Variants in POC1B observed in about 807,000 individuals in gnomAD.
POC1B encodes the protein POC1 centriolar protein homolog B.
A neutral mutation model predicts 60.6 loss-of-function variants in POC1B; 44 were observed. That is an observed-to-expected ratio of 0.73 (90% CI 0.57 to 0.93). The LOEUF (loss-of-function observed/expected upper bound fraction) is 0.93. Ranked by LOEUF, POC1B falls within the 40% of genes least tolerant of loss-of-function variation. The pLI is 0.00. For missense variants in POC1B, 555 were observed against 572.3 expected (o/e 0.97, Z 0.31); for synonymous variants, 180 against 198.9 (o/e 0.90, Z 0.80).
intron 2 of POC1B, among the ~76,000 whole-genome samples, chr12:89,518,423 GGCATGCAAAGAGGTCTA>G (rs1870575733): frequency 6.6e-6 from 1 of 152,102 alleles, no homozygotes; most frequent in African/African-American, 2.4e-5. Context: ...CATGCACAGA[GGCATGCAAAGAGGTCTA>G]GCATGCAAAG....
chr12:89,519,735 G>A (rs1202694728), intron 2 of POC1B: 1 of 152,358 alleles, frequency 6.6e-6, no homozygotes, highest in East Asian at 1.9e-4. Context: ...ACTTACTAAT[G>A]GGTAAGTAAA....
At chr12:89,442,748 T>A (rs900916642) in intron 10 of POC1B, among the ~76,000 whole-genome samples, 1 of 152,126 alleles carries the variant, frequency 6.6e-6, no homozygotes, top group African/African-American at 2.4e-5. Flanking sequence ...AATTCATACA[T>A]AACAATATTA....
intron 11 of POC1B, among the ~76,000 whole-genome samples, chr12:89,422,814 G>T (rs1880597708): frequency 6.6e-6 from 1 of 152,070 alleles, no homozygotes; most frequent in East Asian, 1.9e-4. Flanking sequence ...TGGTATTTTA[G>T]TCAACCAGTT....
intron 2 of POC1B, among the ~76,000 whole-genome samples, chr12:89,512,167 C>T (rs1431697877): frequency 6.6e-6 from 1 of 152,202 alleles, no homozygotes; most frequent in Non-Finnish European, 1.5e-5. Flanking sequence ...GTAGTTTGTA[C>T]TATGCAAGCA....
the POC1B span, among the ~76,000 whole-genome samples, chr12:89,410,985 C>T: frequency 6.6e-6 from 1 of 152,256 alleles, no homozygotes; most frequent in South Asian, 2.1e-4. Context: ...AATAGACACA[C>T]AGAGAGCCAA....
chr12:89,509,214 T>G (rs181949868), intron 2 of POC1B, among the ~76,000 whole-genome samples: 84 of 152,346 alleles, frequency 5.5e-4, no homozygotes, highest in Non-Finnish European at 9.7e-4. Context: ...TTTTTATCAG[T>G]GTGAATGCAT....
rs140418644 is a variant in POC1B at position 89,468,620 on chromosome 12, C to T, written c.811-935G>A. Among the ~76,000 whole-genome samples the T allele has an allele frequency of 2.9e-3, 447 of 151,836 alleles. 3 individuals are homozygous for T. The highest frequency in any genetic ancestry group is 0.011 in the African/African-American group (439 of 41,414). On this transcript the variant is annotated intron_variant, in intron 7 of 11. Transcript: ENST00000313546. The stretch of plus-strand genomic sequence containing the variant: ...TGAAAGACTGTGTTTATCTTTTTTC[C>T]CTATTATTTTGTACTTTTTTCATGG...
At chr12:89,514,151 G>A (rs1400397197) in intron 2 of POC1B, among the ~76,000 whole-genome samples, 2 of 151,980 alleles carry the variant, frequency 1.3e-5, no homozygotes, top group South Asian at 4.1e-4. Flanking sequence ...GGATCATAGG[G>A]GCAGAATTCC....
intron 2 of POC1B, among the ~76,000 whole-genome samples, chr12:89,518,521 ATAT>A (rs1870585888): frequency 6.6e-6 from 1 of 152,138 alleles, no homozygotes; most frequent in African/African-American, 2.4e-5. Flanking sequence ...AAAAACTGAG[ATAT>A]TATTTAAATA....
intron 10 of POC1B, among the ~76,000 whole-genome samples, chr12:89,433,127 T>C (rs1881107680): frequency 6.6e-6 from 1 of 152,084 alleles, no homozygotes. Context: ...CTCAGAAGAA[T>C]GCAAAGTGAA....
At chr12:89,475,697 T>G (rs1371851215) in intron 4 of POC1B, among the ~76,000 whole-genome samples, 1 of 152,176 alleles carries the variant, frequency 6.6e-6, no homozygotes, top group Admixed American at 6.5e-5. Context: ...AAGACATTAA[T>G]AGATTTCTGA....
chr12:89,523,325 T>C (rs760855310), intron 2 of POC1B: 3 of 1,614,058 alleles, frequency 1.9e-6, no homozygotes, highest in Non-Finnish European at 8.5e-7. Context: ...CTTTCAGAAA[T>C]ATCACCATAA....
the POC1B span, among the ~76,000 whole-genome samples, chr12:89,405,378 C>T: frequency 1.3e-5 from 2 of 152,130 alleles, no homozygotes; most frequent in African/African-American, 2.4e-5. Flanking sequence ...TGTGGTGGCT[C>T]ATGCCTGTAA....
chr12:89,483,481 T>C (rs1185478602), intron 4 of POC1B, among the ~76,000 whole-genome samples: 1 of 152,162 alleles, frequency 6.6e-6, no homozygotes, highest in East Asian at 1.9e-4. Flanking sequence ...CTTCTTGCTG[T>C]GTCCTCACAT....
intron 2 of POC1B, chr12:89,502,415 G>A (rs1347459039): frequency 1.4e-6 from 2 of 1,447,202 alleles, no homozygotes; most frequent in Non-Finnish European, 1.9e-6. Flanking sequence ...TTCGTGATTA[G>A]TGGAATACTA....
intron 4 of POC1B, among the ~76,000 whole-genome samples, chr12:89,481,661 G>T (rs1428981723): frequency 6.6e-6 from 1 of 152,136 alleles, no homozygotes; most frequent in Non-Finnish European, 1.5e-5. Context: ...GAACCCCCTT[G>T]TATATAATAC....
At position 89,525,202 on chromosome 12, in the gene POC1B, C is replaced by G; in HGVS notation, c.18G>C (p.Glu6Asp). The change falls in exon 2 of 12, where the codon GAG becomes GAC. Residue 6 changes from glutamate to aspartate, a missense_variant and splice_region_variant. Transcript: ENST00000313546. ...TGAAATAACGCTCCAGAACGGGGTC[C>G]TCCTGGAAAGGAAAGTTGTCAAGTT... MASATEDPVLERYFKG... is the reference protein window; with the variant it reads MASATDDPVLERYFKG... The G allele has an allele frequency of 4.4e-6, 7 of 1,607,522 alleles. No individual in the cohort carries two copies. Among genetic ancestry groups the G allele is most frequent in the Non-Finnish European group, 5.9e-6 (7 of 1,176,960 alleles).
intron 2 of POC1B, among the ~76,000 whole-genome samples, chr12:89,498,130 T>C (rs1869349738): frequency 6.6e-6 from 1 of 152,236 alleles, no homozygotes; most frequent in Non-Finnish European, 1.5e-5. Context: ...CTATATTTTA[T>C]CAACTGATCC....
intron 9 of POC1B, among the ~76,000 whole-genome samples, chr12:89,463,982 T>C (rs1050673000): frequency 6.6e-6 from 1 of 152,110 alleles, no homozygotes; most frequent in African/African-American, 2.4e-5. Flanking sequence ...TTCAGATGAG[T>C]CTCATAGAAA....
Sources: gnomAD v4.1 joint callset for allele counts (sites outside exome capture counted in the v4.1 genomes callset) on GRCh38, gnomAD v4.1.1 for gene constraint, MANE v1.5 for transcripts, NCBI Gene and HGNC (gene_info 2026-07-23, HGNC 2026-07-21) for gene names.